ZRANB3: variants seen among roughly 807,000 people sequenced by gnomAD.
ZRANB3 encodes DNA annealing helicase and endonuclease ZRANB3.
In ZRANB3, 125 loss-of-function variants were observed where a neutral mutation model predicts 133.8. The observed-to-expected ratio is 0.93, with a 90% CI of 0.81 to 1.08. The LOEUF (loss-of-function observed/expected upper bound fraction) is 1.08. ZRANB3 is among the 50% of genes least tolerant of loss of function. The pLI is 0.00. For missense variants in ZRANB3, 1,229 were observed against 1,275.5 expected, an observed-to-expected ratio of 0.96 and a Z score of 0.56; for synonymous variants, 387 against 432.7, an observed-to-expected ratio of 0.89 and a Z score of 1.31.
chr2:135,416,216 C>T (rs1371491047), intron 2 of ZRANB3, among the ~76,000 whole-genome samples: 40 of 151,758 alleles, frequency 2.6e-4, no homozygotes. Context: ...ACCCCATCGT[C>T]TCAGCCCAAA....
chr2:135,263,851 C>T (rs1450570471), intron 12 of ZRANB3, among the ~76,000 whole-genome samples: 1 of 151,798 alleles, frequency 6.6e-6, no homozygotes, highest in African/African-American at 2.4e-5. Context: ...TCTCGGCTCA[C>T]CAAAACTTCC....
chr2:135,213,032 A>G (rs912212737), intron 17 of ZRANB3, among the ~76,000 whole-genome samples: 2 of 152,164 alleles, frequency 1.3e-5, no homozygotes, highest in African/African-American at 4.8e-5. Context: ...TGGGGCCTGC[A>G]AACTGTTGGA....
At chr2:135,488,765 AT>A (rs1692239245) in intron 2 of ZRANB3, among the ~76,000 whole-genome samples, 1 of 151,914 alleles carries the variant, frequency 6.6e-6, no homozygotes, top group African/African-American at 2.4e-5. Context: ...AAAAACCACA[AT>A]ATATGCAAAG....
chr2:135,431,007 G>A lies in ZRANB3; in HGVS notation c.162-40187C>T, dbSNP rs575723470. On this transcript the variant is annotated intron_variant, in intron 2 of 20. Transcript: ENST00000264159. Reference sequence around the variant, plus strand: ...CATAGAATATCAGCTTGAATCAACGGCTCATGCCTATAATCCCAGCACTTT... The same window carrying A: ...CATAGAATATCAGCTTGAATCAACGACTCATGCCTATAATCCCAGCACTTT... Among the ~76,000 whole-genome samples the A allele has an allele frequency of 2.2e-4, 33 of 152,096 alleles. No homozygotes were observed. In the South Asian group the frequency reaches 5.8e-3, roughly 27 times the overall value.
intron 12 of ZRANB3, among the ~76,000 whole-genome samples, chr2:135,232,498 T>C (rs1206071075): frequency 1.3e-5 from 2 of 152,154 alleles, no homozygotes; most frequent in Non-Finnish European, 2.9e-5. Context: ...ACTGCCTCCT[T>C]AAGTGGGTCC....
intron 2 of ZRANB3, among the ~76,000 whole-genome samples, chr2:135,414,541 T>A (rs552003104): frequency 7.7e-4 from 117 of 152,178 alleles, no homozygotes; most frequent in African/African-American, 2.0e-3. Flanking sequence ...ACTAGACAGC[T>A]CAATGAGACA....
At chr2:135,392,361 G>T (rs1299658155) in intron 2 of ZRANB3, among the ~76,000 whole-genome samples, 1 of 131,698 alleles carries the variant, frequency 7.6e-6, no homozygotes, top group Non-Finnish European at 1.6e-5. Context: ...AAAAAGGGGG[G>T]GGGGGCAGGA....
intron 2 of ZRANB3, among the ~76,000 whole-genome samples, chr2:135,474,344 C>CAAGG (rs1691407564): frequency 1.3e-5 from 2 of 152,114 alleles, no homozygotes; most frequent in Non-Finnish European, 2.9e-5. Context: ...TTTCCTCTTT[C>CAAGG]AAGGGATTGA....
chr2:135,490,861 T>G (rs1434277896), intron 2 of ZRANB3, among the ~76,000 whole-genome samples: 1 of 152,082 alleles, frequency 6.6e-6, no homozygotes, highest in Non-Finnish European at 1.5e-5. Flanking sequence ...CTGGAGGTCA[T>G]GATGTTAAGT....
intron 8 of ZRANB3, among the ~76,000 whole-genome samples, chr2:135,292,514 G>C (rs562018043): frequency 6.6e-6 from 1 of 152,274 alleles, no homozygotes; most frequent in South Asian, 2.1e-4. Flanking sequence ...CAGATGAGTA[G>C]ACTGCAAAAA....
intron 6 of ZRANB3, among the ~76,000 whole-genome samples, chr2:135,342,331 C>A (rs1401539550): frequency 6.7e-6 from 1 of 150,090 alleles, no homozygotes; most frequent in Non-Finnish European, 1.5e-5. Flanking sequence ...AGCCACCACG[C>A]CTGGCCGACA....
chr2:135,511,717 T>A, intron 1 of ZRANB3: 1 of 766,236 alleles, frequency 1.3e-6, no homozygotes. Flanking sequence ...ATGGAGAATC[T>A]TGGTGTGGCA....
intron 1 of ZRANB3, chr2:135,510,549 C>T: frequency 3.0e-6 from 2 of 666,212 alleles, no homozygotes; most frequent in East Asian, 5.4e-5. Context: ...TGAAGATTCA[C>T]TGCCATGGAG....
At position 135,207,504 on chromosome 2, in the gene ZRANB3, C is replaced by T; in HGVS notation, c.2939G>A (p.Arg980Lys). ...CTTCCTCTGACTTTTAGGGGCATCT[C>T]TCAGACGTAAAAAGAGTTCTTGTGC... is the stretch of plus-strand genomic sequence containing the variant. ...VNAQELFLRL[R>K]DAPKSQRKNL... The change falls in exon 19 of 21, where the codon AGA (arginine) becomes AAA (lysine). Residue 980 changes from arginine to lysine, a missense_variant. By Grantham distance (26) the Arg-to-Lys change is conservative (BLOSUM62 2). Transcript: ENST00000264159. The T allele has an allele frequency of 6.2e-7, 1 of 1,614,008 alleles. No individual in the cohort carries two copies. Among genetic ancestry groups the T allele is most frequent in the East Asian group, 2.2e-5 (1 of 44,882 alleles).
chr2:135,348,881 A>T (rs1456141893), intron 5 of ZRANB3, among the ~76,000 whole-genome samples: 1 of 152,140 alleles, frequency 6.6e-6, no homozygotes, highest in African/African-American at 2.4e-5. Context: ...GGTATGAGCT[A>T]CTGAGTCCAG....
At chr2:135,322,574 T>A (rs891207387) in intron 6 of ZRANB3, among the ~76,000 whole-genome samples, 2 of 151,790 alleles carry the variant, frequency 1.3e-5, no homozygotes, top group Admixed American at 1.3e-4. Flanking sequence ...AACAATTAGC[T>A]GAGTGTGGTG....
rs1224734261 is a variant in ZRANB3, at chr2:135,373,745, C to G, written c.180+17057G>C. 2.4e-5 allele frequency among the ~76,000 whole-genome samples: 3 copies of G among 124,676 alleles called. No homozygotes were observed. The South Asian group carries it at 7.7e-4, about 32-fold the overall frequency. The allele number at this position is 124,676 out of a possible 152,430, so 81.8% of individuals were successfully genotyped here. On this transcript the variant is annotated intron_variant, in intron 3 of 20. Transcript: ENST00000264159. The stretch of plus-strand genomic sequence containing the variant: ...GGAGGTTGCAGTGAACCGAGACTGC[C>G]CCACTGCAATCCAGCCTGGGTAAGA...
At chr2:135,455,480 G>A (rs74265473) in intron 2 of ZRANB3, among the ~76,000 whole-genome samples, 15,937 of 151,168 alleles carry the variant, frequency 0.11, 1,106 homozygotes, top group South Asian at 0.32. Context: ...GAGCCACCAT[G>A]GCCGGCCGAC....
chr2:135,231,707 G>C (rs1254516985), intron 12 of ZRANB3, among the ~76,000 whole-genome samples: 1 of 152,142 alleles, frequency 6.6e-6, no homozygotes, highest in African/African-American at 2.4e-5. Context: ...AAGACTGCTG[G>C]AGCCTCGGAG....
Sources: allele counts gnomAD v4.1 joint callset (sites outside exome capture counted in the v4.1 genomes callset), GRCh38; gene constraint gnomAD v4.1.1; transcripts MANE v1.5; gene names NCBI Gene and HGNC (gene_info 2026-07-23, HGNC 2026-07-21).